The following CFAP161 variants were observed in gnomAD, a reference collection of about 807,000 sequenced individuals.
CFAP161 encodes the protein cilia- and flagella-associated protein 161.
In CFAP161, 25 loss-of-function variants were observed where a neutral mutation model predicts 29.0. The ratio of observed to expected loss-of-function variants is 0.86; its 90% confidence interval spans 0.63 to 1.20. CFAP161 has a LOEUF of 1.20. Ranked by LOEUF, CFAP161 falls within the 50% of genes most tolerant of loss-of-function variation. CFAP161 has a pLI of 0.00. For synonymous variants in CFAP161, 116 were observed against 137.4 expected (o/e 0.84, Z 1.09); for missense variants, 367 against 371.9 (o/e 0.99, Z 0.11).
At chr15:81,103,320 G>C (rs1274891838) in intron 1 of CFAP161, among the ~76,000 whole-genome samples, 2 of 152,154 alleles carry the variant, frequency 1.3e-5, no homozygotes, top group Non-Finnish European at 2.9e-5. Context: ...TTGGCCTCAG[G>C]AAACAGAATC....
chr15:81,134,172 G>A (rs1384659786), upstream of CFAP161: 12 of 754,364 alleles, frequency 1.6e-5, no homozygotes, highest in Non-Finnish European at 2.3e-5. Context: ...TGACCCAGAC[G>A]CCCCATCTCC....
chr15:81,105,972 A>G (rs1384872206), intron 1 of CFAP161, among the ~76,000 whole-genome samples: 1 of 152,202 alleles, frequency 6.6e-6, no homozygotes, highest in Non-Finnish European at 1.5e-5. Flanking sequence ...CGATGAAACA[A>G]AAAGACCCCT....
chr15:81,113,920 GTA>G (rs1217041933), intron 1 of CFAP161, among the ~76,000 whole-genome samples: 1 of 152,148 alleles, frequency 6.6e-6, no homozygotes, highest in African/African-American at 2.4e-5. Flanking sequence ...TACCTGATTC[GTA>G]TAAATTCAGT....
chr15:81,104,320 CCCT>C (rs1595907425), intron 1 of CFAP161, among the ~76,000 whole-genome samples: 1 of 152,210 alleles, frequency 6.6e-6, no homozygotes, highest in Admixed American at 6.5e-5. Context: ...CTTCAATTTT[CCCT>C]CTAGTGCAGT....
intron 6 of CFAP161, 106 bp downstream of exon 6, chr15:81,148,037 T>C: frequency 1.1e-6 from 1 of 931,120 alleles, no homozygotes; most frequent in South Asian, 1.7e-5. Flanking sequence ...ACAAAAAATG[T>C]CCTTTGCTGA....
intron 1 of CFAP161, among the ~76,000 whole-genome samples, chr15:81,104,519 G>C (rs893421011): frequency 6.6e-6 from 1 of 152,210 alleles, no homozygotes; most frequent in African/African-American, 2.4e-5. Flanking sequence ...TGGGACTTAG[G>C]CTGTGCCAAA....
chr15:81,106,422 G>A (rs760862220), intron 1 of CFAP161, among the ~76,000 whole-genome samples: 2 of 152,100 alleles, frequency 1.3e-5, no homozygotes, highest in South Asian at 2.1e-4. Context: ...CGCCTACCTC[G>A]GCCTCCCAAA....
chr15:81,140,616 T>C (rs1391966814), intron 4 of CFAP161, among the ~76,000 whole-genome samples: 1 of 152,028 alleles, frequency 6.6e-6, no homozygotes, highest in East Asian at 1.9e-4. Flanking sequence ...TGGAGTACAG[T>C]GTCACGAACA....
chr15:81,112,997 G>C (rs1894456428), intron 1 of CFAP161, among the ~76,000 whole-genome samples: 1 of 152,084 alleles, frequency 6.6e-6, no homozygotes, highest in Non-Finnish European at 1.5e-5. Flanking sequence ...TTTGAGGAAT[G>C]TAAATTTAAA....
Position 81,124,995 on chromosome 15 carries a change from T to G in CFAP161, c.-141-2595T>G, listed in dbSNP as rs1202446878. Among the ~76,000 whole-genome samples, 2 of 151,998 alleles carry G rather than the reference T, an allele frequency of 1.3e-5. 1 individual carries two copies. Among genetic ancestry groups the G allele is most frequent in the South Asian group, 4.1e-4 (2 of 4,834 alleles). On this transcript the variant is annotated intron_variant, in intron 1 of 4. Coordinates refer to the CFAP161 transcript ENST00000560091. ...GGCAATTTGTTTCAGTTAAAAAATT[T>G]TTTTTATTTGGAAATGACCCAGGCA...
rs1483527921 is a variant in CFAP161 at position 81,148,879 on chromosome 15, G to A, written c.*346G>A. On this transcript the variant is annotated 3_prime_UTR_variant, in exon 7 of 7. Coordinates refer to ENST00000286732, the MANE Select transcript of CFAP161 (RefSeq NM_173528.4). ...TTATGTCTATGTAATAAAGCTGTTGGACCTATACTGAATTTTTGGTACCAC... is the reference window on the plus strand; with the variant it reads ...TTATGTCTATGTAATAAAGCTGTTGAACCTATACTGAATTTTTGGTACCAC... 6.1e-6 allele frequency: 1 copy of A among 163,408 alleles called. No homozygotes were observed. Among genetic ancestry groups the A allele is most frequent in the Non-Finnish European group, 1.3e-5 (1 of 75,580 alleles). 10.1% of individuals were successfully genotyped at this position (163,408 alleles called of 1,614,324 possible). A position where few individuals can be genotyped will look rare whatever the true frequency, so the allele number is the denominator to read the frequency against.
At chr15:81,107,758 G>A (rs1302686648) in intron 1 of CFAP161, among the ~76,000 whole-genome samples, 1 of 151,896 alleles carries the variant, frequency 6.6e-6, no homozygotes, top group Non-Finnish European at 1.5e-5. Context: ...TAAATAAACA[G>A]AGCTGGTCAT....
chr15:81,142,972 T>C (rs893035073), intron 4 of CFAP161, among the ~76,000 whole-genome samples: 1 of 152,102 alleles, frequency 6.6e-6, no homozygotes, highest in Admixed American at 6.5e-5. Context: ...GAAGAATAAT[T>C]CATTTCACGT....
upstream of CFAP161, among the ~76,000 whole-genome samples, chr15:81,132,485 A>G (rs1894724678): frequency 6.6e-6 from 1 of 152,258 alleles, no homozygotes; most frequent in South Asian, 2.1e-4. Flanking sequence ...AACACAAAGC[A>G]GTAATTTGTG....
intron 1 of CFAP161, among the ~76,000 whole-genome samples, chr15:81,102,312 C>T (rs925254223): frequency 1.3e-5 from 2 of 152,098 alleles, no homozygotes; most frequent in Admixed American, 1.3e-4. Context: ...AGCACAAGAC[C>T]TTTTGCAGAA....
chr15:81,140,217 T>G (rs1000335176), intron 4 of CFAP161, among the ~76,000 whole-genome samples: 1 of 152,240 alleles, frequency 6.6e-6, no homozygotes, highest in Non-Finnish European at 1.5e-5. Context: ...ATTATATTTT[T>G]GAGTAAAATG....
chr15:81,101,934 CCT>C (rs1894308866), intron 1 of CFAP161, among the ~76,000 whole-genome samples: 1 of 152,144 alleles, frequency 6.6e-6, no homozygotes, highest in Non-Finnish European at 1.5e-5. Context: ...GACCTCACTA[CCT>C]CACTGCAGAC....
Position 81,110,917 on chromosome 15 carries a change from T to A in CFAP161, c.-141-16673T>A, listed in dbSNP as rs181076347. Among the ~76,000 whole-genome samples, 233 of 152,308 alleles carry A rather than the reference T, an allele frequency of 1.5e-3. 1 individual carries two copies. The highest frequency in any genetic ancestry group is 5.1e-3 in the African/African-American group (211 of 41,566). ...TTTCCCCCAGGGGTCTGCTAGAAGC[T>A]GAAGGCAAAAATAGATGGAGACAAA... On this transcript the variant is annotated intron_variant, in intron 1 of 4. Coordinates refer to the CFAP161 transcript ENST00000560091.
At chr15:81,118,253 G>A in intron 1 of CFAP161, 1 of 510,308 alleles carries the variant, frequency 2.0e-6, no homozygotes, top group Non-Finnish European at 3.7e-6. Flanking sequence ...TTTATTAAAC[G>A]GAGGAACTCT....
Sources: allele counts gnomAD v4.1 joint callset (sites outside exome capture counted in the v4.1 genomes callset), GRCh38; gene constraint gnomAD v4.1.1; transcripts MANE v1.5; gene names NCBI Gene and HGNC (gene_info 2026-07-23, HGNC 2026-07-21).